MDFI: variants seen among roughly 807,000 people sequenced by gnomAD.
The protein encoded by MDFI is MyoD family inhibitor, also known as inhibitor of MyoD family a.
A neutral mutation model predicts 22.3 loss-of-function variants in MDFI; 16 were observed. The ratio of observed to expected loss-of-function variants is 0.72; its 90% CI spans 0.49 to 1.09. MDFI has a LOEUF of 1.09. MDFI is among the 50% of genes least tolerant of loss of function. The probability of loss-of-function intolerance (pLI) is 0.00; values close to 1 mark genes in which losing one functional copy is unlikely to be tolerated. For synonymous variants in MDFI, 145 were observed against 142.7 expected (o/e 1.02, Z -0.12); for missense variants, 314 against 326.1 (o/e 0.96, Z 0.29).
In MDFI at chr6:41,638,608, C is replaced by G; in HGVS notation, c.-56C>G. ...CGGAGCAGGCGCGCATGGCGGGCCC[C>G]GCGCGGGGATCCGGCTGGAAGAGAG... On this transcript the variant is annotated 5_prime_UTR_variant, in exon 1 of 5. Coordinates refer to ENST00000230321, the MANE Select transcript of MDFI (RefSeq NM_005586.4). This position sits in a 1 kb window ranked among gnomAD's most constrained non-coding sequence, Gnocchi z 7.6. 2.9e-6 allele frequency: 3 copies of G among 1,021,028 alleles called. No homozygotes were observed. Among genetic ancestry groups the G allele is most frequent in the Non-Finnish European group, 2.7e-6 (2 of 728,894 alleles). 63.2% of individuals were successfully genotyped at this position (1,021,028 alleles called of 1,614,324 possible).
In MDFI at chr6:41,638,817, C is replaced by T. The variant is rs1447311784; in HGVS notation, c.68C>T (p.Pro23Leu). The change falls in exon 2 of 5, where the codon CCG (proline) becomes CTG (leucine). Residue 23 changes from proline (P) to leucine (L), a missense_variant. By Grantham distance (98) the Pro-to-Leu change is moderately conservative. Coordinates refer to ENST00000230321, the MANE Select transcript of MDFI (RefSeq NM_005586.4). The surrounding 1 kb of genome is among the most constrained non-coding windows in gnomAD (Gnocchi z 7.6). ...DAPYGAPSAA[P>L]GPAQTLSLLP... ...CCCTATGGAGCCCCCAGCGCAGCCC[C>T]GGGCCCAGGTAGGACCGGGAGTGGC... 7.1e-6 allele frequency: 11 copies of T among 1,557,858 alleles called. No individual in the cohort carries two copies. The highest frequency in any genetic ancestry group is 1.9e-5 in the Admixed American group (1 of 53,008).
In MDFI at chr6:41,639,323, AT is replaced by A. The variant is rs1400549676; in HGVS notation, c.76+499del. 3 of 984,712 alleles carry A rather than the reference AT, an allele frequency of 3.0e-6. No homozygotes were observed. The African/African-American group carries it at 5.3e-5, about 17-fold the overall frequency. The allele number at this position is 984,712 out of a possible 1,614,324, so 61.0% of individuals were successfully genotyped here. ...CCCAGCCCCTCCCCTCTTTCTTGCC[AT>A]CCCTTCTCCCTCGCCTTCCTTCCCT... is the stretch of plus-strand genomic sequence containing the variant. On this transcript the variant is annotated intron_variant, in intron 2 of 4. Transcript: ENST00000230321.
At chr6:41,645,109 C>T (rs1229025720) in intron 2 of MDFI, among the ~76,000 whole-genome samples, 1 of 152,150 alleles carries the variant, frequency 6.6e-6, no homozygotes, top group East Asian at 1.9e-4. Flanking sequence ...GAAGGCCACC[C>T]TCTTTAGACC....
intron 2 of MDFI, among the ~76,000 whole-genome samples, chr6:41,640,755 T>C (rs1201335834): frequency 1.3e-5 from 2 of 152,158 alleles, no homozygotes; most frequent in African/African-American, 4.8e-5. Flanking sequence ...ACAAGGGGAC[T>C]CAGGGCAGAT....
At chr6:41,643,532 G>GGAAGAA (rs1561829502) in intron 2 of MDFI, among the ~76,000 whole-genome samples, 7 of 129,994 alleles carry the variant, frequency 5.4e-5, no homozygotes, top group African/African-American at 1.9e-4. Context: ...ACAGGAAGGA[G>GGAAGAA]GGAAGGAGGG....
At chr6:41,637,107 C>G (rs1403674245), upstream of MDFI, 1 of 152,174 alleles carries the variant, frequency 6.6e-6, no homozygotes, top group Non-Finnish European at 1.5e-5. The surrounding 1 kb of genome is among the most constrained non-coding windows in gnomAD (Gnocchi z 6.8). Flanking sequence ...GCTAGCAGCC[C>G]GGCCTGGGGG....
At chr6:41,652,441 C>T (rs1410034127) in intron 4 of MDFI, among the ~76,000 whole-genome samples, 2 of 152,192 alleles carry the variant, frequency 1.3e-5, no homozygotes, top group Non-Finnish European at 2.9e-5. Context: ...AGAGGAGGGC[C>T]AGGATCCAAC....
At chr6:41,638,344 G>A (rs1170204093), upstream of MDFI, 1 of 201,552 alleles carries the variant, frequency 5.0e-6, no homozygotes, top group Non-Finnish European at 1.0e-5. The surrounding 1 kb of genome is among the most constrained non-coding windows in gnomAD (Gnocchi z 7.6). Flanking sequence ...CCCGGCGCGG[G>A]GGAGGGGACC....
intron 4 of MDFI, chr6:41,650,143 A>G (rs1273488447): frequency 3.4e-6 from 1 of 297,666 alleles, no homozygotes; most frequent in African/African-American, 3.4e-5. Context: ...CTTCTTTCCC[A>G]GAGTTGCTGT....
chr6:41,648,751 C>T (rs1011974137), intron 3 of MDFI, among the ~76,000 whole-genome samples: 1 of 152,332 alleles, frequency 6.6e-6, no homozygotes, highest in South Asian at 2.1e-4. Flanking sequence ...CACACCTCCC[C>T]TCATCTCTTG....
intron 2 of MDFI, among the ~76,000 whole-genome samples, chr6:41,643,596 G>GTGAGGAA (rs1767940870): frequency 1.1e-5 from 1 of 94,156 alleles, no homozygotes; most frequent in Admixed American, 1.2e-4. Flanking sequence ...GAGGGAGGGA[G>GTGAGGAA]GGAGGGAAGG....
At position 41,653,520 on chromosome 6, in the gene MDFI, C is replaced by T; in HGVS notation, c.686C>T (p.Ser229Phe). 6.2e-7 allele frequency: 1 copy of T among 1,601,854 alleles called. No homozygotes were observed. The change falls in exon 5 of 5, where the codon TCC becomes TTC. Residue 229 changes from serine (S) to phenylalanine (F), a missense_variant. Ser to Phe is a radical substitution (Grantham distance 155). Coordinates refer to ENST00000230321, the MANE Select transcript of MDFI (RefSeq NM_005586.4). The surrounding 1 kb of genome is among the most constrained non-coding windows in gnomAD (Gnocchi z 4.2). ...GGCATCCTGGATGCCTGCTGCGAGT[C>T]CGCGGACTGCCTGGAGATCTGCATG... ...DCGILDACCESADCLEICMEC... is the reference protein window; with the variant it reads ...DCGILDACCEFADCLEICMEC...
chr6:41,643,828 T>C (rs564813411), intron 2 of MDFI, among the ~76,000 whole-genome samples: 1 of 152,222 alleles, frequency 6.6e-6, no homozygotes, highest in Non-Finnish European at 1.5e-5. Context: ...ACCCTTTCCA[T>C]GCAAAGTAAC....
chr6:41,650,951 C>A (rs879332885), intron 4 of MDFI, among the ~76,000 whole-genome samples: 8 of 152,080 alleles, frequency 5.3e-5, no homozygotes, highest in Non-Finnish European at 5.9e-5. Flanking sequence ...CTTCTGTAAT[C>A]CCAGCCCTTT....
At chr6:41,648,533 TCTC>T (rs1397901989) in intron 3 of MDFI, among the ~76,000 whole-genome samples, 2 of 151,886 alleles carry the variant, frequency 1.3e-5, no homozygotes, top group East Asian at 1.9e-4. Context: ...CCCCAAGACA[TCTC>T]CTACACAATT....
intron 2 of MDFI, among the ~76,000 whole-genome samples, chr6:41,641,887 G>A (rs1767864841): frequency 6.6e-6 from 1 of 152,126 alleles, no homozygotes; most frequent in Non-Finnish European, 1.5e-5. Context: ...CAACTTGGTG[G>A]ATGGCAAGCA....
At chr6:41,638,464 A>C, upstream of MDFI, 1 of 456,858 alleles carries the variant, frequency 2.2e-6, no homozygotes, top group Non-Finnish European at 3.9e-6. This position sits in a 1 kb window ranked among gnomAD's most constrained non-coding sequence, Gnocchi z 7.6. Context: ...GAGGGAGAGA[A>C]GGAAGAAGGA....
intron 4 of MDFI, 176 bp downstream of exon 4, chr6:41,650,019 G>A: frequency 1.6e-6 from 1 of 626,338 alleles, no homozygotes; most frequent in Non-Finnish European, 2.7e-6. Flanking sequence ...AAGCCCTGCA[G>A]GGAACCTGAC....
intron 2 of MDFI, among the ~76,000 whole-genome samples, chr6:41,640,628 A>C (rs894844798): frequency 6.6e-6 from 1 of 152,004 alleles, no homozygotes; most frequent in African/African-American, 2.4e-5. Context: ...CCCACGCTTT[A>C]CTCCCTGAGT....
Sources: gnomAD v4.1 joint callset for allele counts (sites outside exome capture counted in the v4.1 genomes callset) on GRCh38, gnomAD v4.1.1 for gene constraint, Gnocchi (gnomAD v3.1) non-coding constraint, MANE v1.5 for transcripts, NCBI Gene and HGNC (gene_info 2026-07-23, HGNC 2026-07-21) for gene names.